The following GSE1 variants were observed in gnomAD, a reference collection of about 807,000 sequenced individuals.
GSE1 encodes Gse1 coiled-coil protein.
In GSE1, 32 loss-of-function variants were observed where a neutral mutation model predicts 112.6. That is an observed-to-expected ratio of 0.28 (90% CI 0.21 to 0.38). GSE1 has a LOEUF of 0.38. GSE1 is among the 10% of genes least tolerant of loss of function. The pLI is 1.00. For synonymous variants in GSE1, 1,115 were observed against 735.6 expected (o/e 1.52, Z -8.35); for missense variants, 2,348 against 1,699.2 (o/e 1.38, Z -6.71).
chr16:85,458,704 C>T (rs1002966893), intron 2 of GSE1, among the ~76,000 whole-genome samples: 1 of 152,210 alleles, frequency 6.6e-6, no homozygotes, highest in Non-Finnish European at 1.5e-5. Flanking sequence ...CCGCCCCAGA[C>T]CTGCTAAATG....
chr16:85,385,485 G>T (rs1453834348), intron 2 of GSE1, among the ~76,000 whole-genome samples: 2 of 152,130 alleles, frequency 1.3e-5, no homozygotes, highest in African/African-American at 4.8e-5. Flanking sequence ...ACTACCCGTG[G>T]CAGACAGCTC....
rs567105425 is a variant in GSE1 at position 85,182,713 on chromosome 16, G to A, written c.2283+10906G>A. 4.3e-4 allele frequency among the ~76,000 whole-genome samples: 65 copies of A among 152,244 alleles called. 2 individuals are homozygous for A. In the South Asian group the frequency reaches 8.1e-3, roughly 19 times the overall value. The stretch of plus-strand genomic sequence containing the variant: ...GGGTTTAAGACCTGGTGCAGTGCAG[G>A]TCTTCAGGGAGGCAGGCCAAGCCAA... On this transcript the variant is annotated intron_variant, in intron 1 of 2. Transcript: ENST00000637419.
intron 1 of GSE1, among the ~76,000 whole-genome samples, chr16:85,614,223 CA>C (rs2048214823): frequency 6.6e-6 from 1 of 152,200 alleles, no homozygotes; most frequent in African/African-American, 2.4e-5. Context: ...TCCCCGCCCC[CA>C]GCCCTCCCGG....
Position 85,647,274 on chromosome 16 carries a change from C to T in GSE1, c.227-1278C>T, listed in dbSNP as rs1259161955. Reference sequence around the variant, plus strand: ...TGCCCTGCACCCTCCCCCTGCTACCCGCGGGGCTGCAGCCACCCATTCTCC... The same window carrying T: ...TGCCCTGCACCCTCCCCCTGCTACCTGCGGGGCTGCAGCCACCCATTCTCC... On this transcript the variant is annotated intron_variant, in intron 2 of 15. Coordinates refer to ENST00000253458, the MANE Select transcript of GSE1 (RefSeq NM_014615.5). 3.3e-5 allele frequency among the ~76,000 whole-genome samples: 5 copies of T among 152,158 alleles called. No individual in the cohort carries two copies. In the East Asian group the frequency reaches 5.8e-4, roughly 18 times the overall value.
rs150226523 is a variant in GSE1, at chr16:85,570,385, C to T, written c.37+14022C>T. On this transcript the variant is annotated intron_variant, in intron 1 of 2. Coordinates refer to the GSE1 transcript ENST00000635906. ...GATTCTCTGGGGCTTTGGGGGTTCC[C>T]GCAAGTGGCCTGCTGGCAGGCACTT... 7.6e-4 allele frequency among the ~76,000 whole-genome samples: 116 copies of T among 152,322 alleles called. 2 individuals carry two copies. The East Asian group carries it at 0.018, about 24-fold the overall frequency.
At chr16:85,636,433 T>G (rs2050004143) in intron 2 of GSE1, among the ~76,000 whole-genome samples, 1 of 152,302 alleles carries the variant, frequency 6.6e-6, no homozygotes, top group South Asian at 2.1e-4. Flanking sequence ...TGGTCACCCC[T>G]GTCAGGCCTT....
chr16:85,631,972 G>A (rs1003037127), intron 1 of GSE1, among the ~76,000 whole-genome samples: 10 of 152,264 alleles, frequency 6.6e-5, no homozygotes, highest in East Asian at 3.8e-4. Flanking sequence ...CGTGGCTGGC[G>A]GTGCGGAGCA....
intron 2 of GSE1, among the ~76,000 whole-genome samples, chr16:85,510,029 G>T (rs993716261): frequency 6.6e-6 from 1 of 152,236 alleles, no homozygotes; most frequent in African/African-American, 2.4e-5. Context: ...TCCAAAGAGA[G>T]AGGCTTTATT....
intron 14 of GSE1, 184 bp from the exon 15 acceptor site, chr16:85,670,811 C>T (rs1055990657): frequency 2.6e-5 from 12 of 460,678 alleles, no homozygotes; most frequent in South Asian, 1.7e-4. Flanking sequence ...AATTTAGTGA[C>T]GTTTATGTAT....
chr16:85,210,122 C>G (rs555960770), intron 1 of GSE1, among the ~76,000 whole-genome samples: 1 of 152,292 alleles, frequency 6.6e-6, no homozygotes, highest in East Asian at 1.9e-4. Flanking sequence ...CAGCATAGTT[C>G]TGTGTCGTAT....
intron 2 of GSE1, among the ~76,000 whole-genome samples, chr16:85,366,983 G>C (rs1235097232): frequency 2.6e-5 from 4 of 152,210 alleles, no homozygotes; most frequent in Non-Finnish European, 5.9e-5. Context: ...AGGGACCCCA[G>C]GGACAGAGCC....
chr16:85,230,245 ATTGT>A (rs1470378511), intron 1 of GSE1, among the ~76,000 whole-genome samples: 1 of 152,114 alleles, frequency 6.6e-6, no homozygotes, highest in East Asian at 1.9e-4. Context: ...TTGTAACCTC[ATTGT>A]TTGTGTTTTA....
intron 2 of GSE1, among the ~76,000 whole-genome samples, chr16:85,467,611 A>C (rs1355841130): frequency 6.6e-6 from 1 of 152,182 alleles, no homozygotes; most frequent in East Asian, 1.9e-4. Flanking sequence ...GTGGCTGGAC[A>C]TCTTACTTGG....
At chr16:85,195,316 G>A (rs751835372) in intron 1 of GSE1, among the ~76,000 whole-genome samples, 6 of 152,160 alleles carry the variant, frequency 3.9e-5, no homozygotes, top group East Asian at 1.9e-4. Context: ...GAGTGCCACC[G>A]GGCAGGCGAG....
intron 1 of GSE1, among the ~76,000 whole-genome samples, chr16:85,632,611 A>T (rs1485800858): frequency 6.6e-6 from 1 of 152,092 alleles, no homozygotes; most frequent in Non-Finnish European, 1.5e-5. Flanking sequence ...TGTCACTTAG[A>T]ATCTGGCAGA....
chr16:85,355,601 A>G (rs777167318), intron 1 of GSE1, among the ~76,000 whole-genome samples: 1 of 152,212 alleles, frequency 6.6e-6, no homozygotes, highest in African/African-American at 2.4e-5. Context: ...GTGTGGGATG[A>G]TGAGAAAGTT....
At position 85,396,683 on chromosome 16, in the gene GSE1, C is replaced by T. The variant is rs143639306; in HGVS notation, c.2464+39040C>T. On this transcript the variant is annotated intron_variant, in intron 2 of 2. Coordinates refer to the GSE1 transcript ENST00000637419. ...TCAGGCCATTCTCAGGACCCCACAA[C>T]GGGGCAGGATGGATGTCCGGACGCT... Among the ~76,000 whole-genome samples the T allele has an allele frequency of 7.3e-3, 1,108 of 152,338 alleles. 6 individuals carry two copies. The highest frequency in any genetic ancestry group is 0.01 in the Middle Eastern group (3 of 294).
chr16:85,614,608 G>T (rs1280427498), intron 1 of GSE1, among the ~76,000 whole-genome samples: 1 of 152,220 alleles, frequency 6.6e-6, no homozygotes, highest in Non-Finnish European at 1.5e-5. Context: ...TGGCCGCAGT[G>T]CCCGTCTGAG....
upstream of GSE1, chr16:85,555,014 G>T (rs1345749153): frequency 2.0e-6 from 2 of 985,272 alleles, no homozygotes; most frequent in African/African-American, 1.7e-5. Context: ...CCGGCTCGGC[G>T]GCCGCGCGGG....
Sources: allele counts gnomAD v4.1 joint callset (sites outside exome capture counted in the v4.1 genomes callset), GRCh38; gene constraint gnomAD v4.1.1; transcripts MANE v1.5; gene names NCBI Gene and HGNC (gene_info 2026-07-23, HGNC 2026-07-21).